The following FLRT2 variants were observed in gnomAD, a reference collection of about 807,000 sequenced individuals.
FLRT2 encodes fibronectin leucine rich transmembrane protein 2, also known as leucine-rich repeat transmembrane protein FLRT2.
FLRT2 carries 15 observed loss-of-function variants against 40.0 expected under a neutral mutation model. The ratio of observed to expected loss-of-function variants is 0.38; its 90% CI spans 0.25 to 0.58. FLRT2 has a LOEUF of 0.58. Ranked by LOEUF, FLRT2 falls within the 20% of genes least tolerant of loss-of-function variation. The pLI is 0.71. For synonymous variants in FLRT2, 380 were observed against 336.8 expected, an observed-to-expected ratio of 1.13 and a Z score of -1.41; for missense variants, 726 against 840.0, an observed-to-expected ratio of 0.86 and a Z score of 1.68.
rs1893927392 is a variant in FLRT2, at chr14:85,633,294, A to C, written c.*9797A>C. 6.6e-6 allele frequency: 1 copy of C among 152,168 alleles called. No individual in the cohort carries two copies. The highest frequency in any genetic ancestry group is 1.5e-5 in the Non-Finnish European group (1 of 68,022). The allele number at this position is 152,168 out of a possible 1,614,324, so 9.4% of individuals were successfully genotyped here. A position where few individuals can be genotyped will look rare whatever the true frequency, so the allele number is the denominator to read the frequency against. ...CCATGGGATAACACACAACCATGGC[A>C]GGCCTTTTTTCTCATGGTGTGTGGG... On this transcript the variant is annotated 3_prime_UTR_variant, in exon 2 of 2. Transcript: ENST00000330753.
intron 1 of FLRT2, among the ~76,000 whole-genome samples, chr14:85,534,123 G>A (rs183743543): frequency 6.6e-6 from 1 of 152,330 alleles, no homozygotes; most frequent in East Asian, 1.9e-4. Context: ...TCCCGGGGAT[G>A]AGCACCGAGC....
At chr14:85,613,401 A>G (rs1892984391) in intron 1 of FLRT2, among the ~76,000 whole-genome samples, 2 of 152,198 alleles carry the variant, frequency 1.3e-5, no homozygotes, top group African/African-American at 2.4e-5. Flanking sequence ...TCCTAGTTGC[A>G]TGTTCTATGC....
At chr14:85,597,869 T>C (rs1454643115) in intron 1 of FLRT2, among the ~76,000 whole-genome samples, 1 of 152,262 alleles carries the variant, frequency 6.6e-6, no homozygotes, top group African/African-American at 2.4e-5. Context: ...AATTGTATAC[T>C]GATAGATGTT....
intron 1 of FLRT2, among the ~76,000 whole-genome samples, chr14:85,579,153 C>A (rs1413654968): frequency 1.3e-5 from 2 of 152,124 alleles, no homozygotes; most frequent in African/African-American, 4.8e-5. Context: ...CCGGGAGCTG[C>A]CTTTGAAGTC....
intron 1 of FLRT2, among the ~76,000 whole-genome samples, chr14:85,570,499 G>A (rs1397136403): frequency 6.6e-6 from 1 of 151,830 alleles, no homozygotes; most frequent in South Asian, 2.1e-4. Flanking sequence ...AGAGTGAAGT[G>A]CATAGTTTTA....
intron 1 of FLRT2, among the ~76,000 whole-genome samples, chr14:85,592,592 C>T (rs1166283424): frequency 2.6e-5 from 4 of 151,814 alleles, no homozygotes; most frequent in Non-Finnish European, 5.9e-5. Flanking sequence ...AGTTTGAGAC[C>T]ACCCTGGCCA....
At chr14:85,567,470 T>C (rs1320581654) in intron 1 of FLRT2, among the ~76,000 whole-genome samples, 3 of 152,094 alleles carry the variant, frequency 2.0e-5, no homozygotes, top group Non-Finnish European at 4.4e-5. Context: ...ATATCTTAGC[T>C]CTGCCACTTC....
chr14:85,532,558 T>C (rs1036559083), intron 1 of FLRT2, among the ~76,000 whole-genome samples: 1 of 152,190 alleles, frequency 6.6e-6, no homozygotes, highest in Non-Finnish European at 1.5e-5. Context: ...TCCTAATCTT[T>C]AGGCTGAATC....
intron 1 of FLRT2, among the ~76,000 whole-genome samples, chr14:85,543,896 A>G (rs750975304): frequency 2.0e-5 from 3 of 152,020 alleles, no homozygotes; most frequent in South Asian, 2.1e-4. Flanking sequence ...TTTATATTGT[A>G]TTATAAAATG....
In FLRT2 at chr14:85,622,840, C is replaced by T; in HGVS notation, c.1326C>T (p.Leu442=). Residue 442 remains leucine, a synonymous_variant, in exon 2 of 2, where the codon CTC becomes CTT. Transcript: ENST00000330753. ...ATACTTCCATTCAAGTCAGCTGGCT[C>T]TCTCTCTTCACCGTGATGGCATACA... The part of the protein sequence containing the change: ...VNDTSIQVSW[L]SLFTVMAYKL... The T allele has an allele frequency of 6.2e-7, 1 of 1,614,178 alleles. No homozygotes were observed. Among genetic ancestry groups the T allele is most frequent in the Non-Finnish European group, 8.5e-7 (1 of 1,180,028 alleles).
Position 85,646,387 on chromosome 14 carries a change from A to G in FLRT2, c.*22890A>G, listed in dbSNP as rs1425576546. The stretch of plus-strand genomic sequence containing the variant: ...AAAGCTCATGGTAATCTCAGATGTC[A>G]TTGGACAGAGAAGCTCACAGACCAA... On this transcript the variant is annotated 3_prime_UTR_variant, in exon 2 of 2. Transcript: ENST00000330753. 1 of 152,194 alleles carries G rather than the reference A, an allele frequency of 6.6e-6. No individual in the cohort carries two copies. The highest frequency in any genetic ancestry group is 1.9e-4 in the East Asian group (1 of 5,180). 9.4% of individuals were successfully genotyped at this position (152,194 alleles called of 1,614,324 possible). A position where few individuals can be genotyped will look rare whatever the true frequency, so the allele number is the denominator to read the frequency against.
rs1894030810 is a variant in FLRT2, at chr14:85,637,208, T to TA, written c.*13715dup. On this transcript the variant is annotated 3_prime_UTR_variant, in exon 2 of 2. Coordinates refer to ENST00000330753, the MANE Select transcript of FLRT2 (RefSeq NM_013231.6). Reference sequence around the variant, plus strand: ...ATTTTCATCTAGACAAAGAAGTTATTAAAAGCATTAACAAGTAGTTGAAAA... The same window carrying TA: ...ATTTTCATCTAGACAAAGAAGTTATTAAAAAGCATTAACAAGTAGTTGAAAA... 1 of 152,158 alleles carries TA rather than the reference T, an allele frequency of 6.6e-6. No individual in the cohort carries two copies. The highest frequency in any genetic ancestry group is 1.5e-5 in the Non-Finnish European group (1 of 68,014). 9.4% of individuals were successfully genotyped at this position (152,158 alleles called of 1,614,324 possible). A position where few individuals can be genotyped will look rare whatever the true frequency, so the allele number is the denominator to read the frequency against.
intron 1 of FLRT2, among the ~76,000 whole-genome samples, chr14:85,593,622 C>G (rs182564059): frequency 6.6e-6 from 1 of 152,298 alleles, no homozygotes; most frequent in Admixed American, 6.5e-5. Context: ...ATTCTTCACT[C>G]TTTACAACAT....
Position 85,627,819 on chromosome 14 carries a change from T to G in FLRT2, c.*4322T>G, listed in dbSNP as rs1374595622. The G allele has an allele frequency of 6.0e-6, 1 of 167,112 alleles. No homozygotes were observed. The highest frequency in any genetic ancestry group is 1.5e-5 in the Non-Finnish European group (1 of 68,138). 10.4% of individuals were successfully genotyped at this position (167,112 alleles called of 1,614,324 possible). On this transcript the variant is annotated 3_prime_UTR_variant, in exon 2 of 2. Coordinates refer to ENST00000330753, the MANE Select transcript of FLRT2 (RefSeq NM_013231.6). ...GGGCTGAAAGATTCTGCATCACACATCCTCTGAGACCTACCATGTCGCACA... is the reference window on the plus strand; with the variant it reads ...GGGCTGAAAGATTCTGCATCACACAGCCTCTGAGACCTACCATGTCGCACA...
At chr14:85,540,940 A>G (rs1423846460) in intron 1 of FLRT2, among the ~76,000 whole-genome samples, 3 of 152,170 alleles carry the variant, frequency 2.0e-5, no homozygotes, top group South Asian at 2.1e-4. Flanking sequence ...CTGTAGGTAT[A>G]TATGTGGGGA....
At chr14:85,563,631 A>G (rs1297181337) in intron 1 of FLRT2, among the ~76,000 whole-genome samples, 1 of 152,052 alleles carries the variant, frequency 6.6e-6, no homozygotes, top group Non-Finnish European at 1.5e-5. Flanking sequence ...GAGAACAGCA[A>G]GGGGGAAGTC....
intron 1 of FLRT2, among the ~76,000 whole-genome samples, chr14:85,539,281 T>G (rs1888844772): frequency 6.6e-6 from 1 of 152,036 alleles, no homozygotes; most frequent in South Asian, 2.1e-4. Flanking sequence ...TTTTACATTT[T>G]ATCATACAGA....
intron 1 of FLRT2, among the ~76,000 whole-genome samples, chr14:85,568,328 C>T (rs1890726168): frequency 6.6e-6 from 1 of 152,038 alleles, no homozygotes; most frequent in South Asian, 2.1e-4. Context: ...CTGAGTTTTG[C>T]TTTCCTGCTT....
chr14:85,551,019 A>G lies in FLRT2; in HGVS notation c.-377+20485A>G, dbSNP rs116307678. ...TTGTGAAATCATGAATGGAATTTCT[A>G]TGAAAATATATAGCAAATAGGTTCC... is the stretch of plus-strand genomic sequence containing the variant. On this transcript the variant is annotated intron_variant, in intron 1 of 1. Coordinates refer to ENST00000330753, the MANE Select transcript of FLRT2 (RefSeq NM_013231.6). 8.7e-3 allele frequency among the ~76,000 whole-genome samples: 1,324 copies of G among 152,302 alleles called. 15 individuals are homozygous for G. The highest frequency in any genetic ancestry group is 0.03 in the African/African-American group (1,236 of 41,552).
Sources: gnomAD v4.1 joint callset for allele counts (sites outside exome capture counted in the v4.1 genomes callset) on GRCh38, gnomAD v4.1.1 for gene constraint, MANE v1.5 for transcripts, NCBI Gene and HGNC (gene_info 2026-07-23, HGNC 2026-07-21) for gene names.